DLG2: variants seen among roughly 807,000 people sequenced by gnomAD.
The protein encoded by DLG2 is disks large homolog 2.
DLG2 carries 45 observed loss-of-function variants against 132.5 expected under a neutral mutation model. That is an observed-to-expected ratio of 0.34 (90% CI 0.27 to 0.44). DLG2 has a LOEUF of 0.44. Among genes scored for constraint, DLG2 ranks in the 20% least tolerant of loss-of-function variants. The pLI is 1.00. For missense variants in DLG2, 1,045 were observed against 1,196.9 expected (o/e 0.87, Z 1.87); for synonymous variants, 424 against 419.6 (o/e 1.01, Z -0.13).
intron 6 of DLG2, among the ~76,000 whole-genome samples, chr11:84,598,818 G>A (rs1310729646): frequency 6.6e-6 from 1 of 151,800 alleles, no homozygotes; most frequent in African/African-American, 2.4e-5. Flanking sequence ...TCACATACAT[G>A]TGGTCCCAAC....
chr11:85,335,441 C>T (rs2082062341), intron 3 of DLG2, among the ~76,000 whole-genome samples: 1 of 152,076 alleles, frequency 6.6e-6, no homozygotes, highest in African/African-American at 2.4e-5. Flanking sequence ...TATGTGAGGA[C>T]TTGATCTTGT....
chr11:85,292,657 G>GAAGGAAGGAAGGAAGGAAGGGAGA (rs1565279273), intron 3 of DLG2, among the ~76,000 whole-genome samples: 18 of 29,742 alleles, frequency 6.1e-4, no homozygotes, highest in Non-Finnish European at 9.2e-4. Flanking sequence ...AGGAAGGAAG[G>GAAGGAAGGAAGGAAGGAAGGGAGA]GAGGGAGGGA....
In DLG2 at chr11:84,348,248, T is replaced by G. The variant is rs143639042; in HGVS notation, c.520-96957A>C. ...CTTTTCTAGTACTATTTAACAAACT[T>G]ATTAAGTAGAAATAATTACATTCAT... is the stretch of plus-strand genomic sequence containing the variant. On this transcript the variant is annotated intron_variant, in intron 7 of 27. Transcript: ENST00000376104. 5.6e-3 allele frequency among the ~76,000 whole-genome samples: 848 copies of G among 152,274 alleles called. 4 individuals are homozygous for G. The highest frequency in any genetic ancestry group is 0.019 in the African/African-American group (799 of 41,562).
rs907651096 is a variant in DLG2, at chr11:84,210,395, G to A, written c.573+40843C>T. Among the ~76,000 whole-genome samples the A allele has an allele frequency of 9.3e-5, 12 of 128,766 alleles. 1 individual carries two copies. Among genetic ancestry groups the A allele is most frequent in the African/African-American group, 3.3e-4 (12 of 36,560 alleles). 84.5% of individuals were successfully genotyped at this position (128,766 alleles called of 152,430 possible). On this transcript the variant is annotated intron_variant, in intron 8 of 27. Transcript: ENST00000376104. ...ACTCTGGGGACTGTGGTGGGGTGGG[G>A]GGAGCGGGGAGGGATAGCACTGGGA...
intron 6 of DLG2, among the ~76,000 whole-genome samples, chr11:84,903,761 A>C (rs956932812): frequency 6.6e-6 from 1 of 152,172 alleles, no homozygotes; most frequent in Non-Finnish European, 1.5e-5. Flanking sequence ...GAGTATTAAA[A>C]GTAAAAGGAG....
intron 3 of DLG2, among the ~76,000 whole-genome samples, chr11:85,505,841 T>C (rs1370964630): frequency 1.3e-5 from 2 of 152,200 alleles, no homozygotes; most frequent in Non-Finnish European, 2.9e-5. Flanking sequence ...TGTGAATCCA[T>C]CTGGTCCTGG....
At chr11:83,947,191 C>A (rs1591618555) in intron 14 of DLG2, among the ~76,000 whole-genome samples, 1 of 151,982 alleles carries the variant, frequency 6.6e-6, no homozygotes, top group Non-Finnish European at 1.5e-5. Context: ...AATGGGAAAT[C>A]TGAATATTTG....
intron 19 of DLG2, among the ~76,000 whole-genome samples, chr11:83,588,900 A>T (rs980895345): frequency 3.3e-5 from 5 of 151,322 alleles, no homozygotes; most frequent in African/African-American, 1.2e-4. Context: ...GTGATGGAAG[A>T]TGAAATGAAT....
intron 3 of DLG2, among the ~76,000 whole-genome samples, chr11:85,306,949 C>G (rs1411613135): frequency 6.6e-6 from 1 of 152,148 alleles, no homozygotes; most frequent in African/African-American, 2.4e-5. Context: ...CAATGTTATG[C>G]TAATGAAAGT....
chr11:84,451,275 A>T (rs1237820855), intron 7 of DLG2, among the ~76,000 whole-genome samples: 3 of 151,948 alleles, frequency 2.0e-5, no homozygotes, highest in Admixed American at 1.3e-4. Context: ...TTAATGTCTT[A>T]GAAATTTAAT....
intron 8 of DLG2, among the ~76,000 whole-genome samples, chr11:84,216,417 G>C (rs545853579): frequency 6.6e-6 from 1 of 152,000 alleles, no homozygotes; most frequent in African/African-American, 2.4e-5. Flanking sequence ...AGAGATCACG[G>C]GGGGCAAAAA....
At chr11:84,016,087 A>G (rs998100272) in intron 11 of DLG2, among the ~76,000 whole-genome samples, 1 of 152,008 alleles carries the variant, frequency 6.6e-6, no homozygotes, top group Middle Eastern at 3.2e-3. Flanking sequence ...GACTGGTGTG[A>G]GATGGTATCT....
intron 6 of DLG2, among the ~76,000 whole-genome samples, chr11:84,880,552 C>T (rs551842605): frequency 6.6e-6 from 1 of 152,054 alleles, no homozygotes; most frequent in Non-Finnish European, 1.5e-5. Flanking sequence ...AAATATATGG[C>T]CTTGCAGATG....
chr11:84,768,278 A>G (rs1324684137), intron 6 of DLG2, among the ~76,000 whole-genome samples: 1 of 152,130 alleles, frequency 6.6e-6, no homozygotes, highest in Non-Finnish European at 1.5e-5. Context: ...ATAGCTTATG[A>G]CTTGTTTGTT....
At chr11:84,643,511 T>C (rs1175420333) in intron 6 of DLG2, among the ~76,000 whole-genome samples, 1 of 152,144 alleles carries the variant, frequency 6.6e-6, no homozygotes, top group Non-Finnish European at 1.5e-5. Context: ...ATAATGCAGG[T>C]TAGTAAAATC....
rs146067396 is a variant in DLG2 at position 84,652,018 on chromosome 11, G to C, written c.358-117287C>G. Among the ~76,000 whole-genome samples the C allele has an allele frequency of 4.2e-3, 633 of 152,256 alleles. 1 individual carries two copies. Among genetic ancestry groups the C allele is most frequent in the African/African-American group, 0.015 (606 of 41,550 alleles). On this transcript the variant is annotated intron_variant, in intron 6 of 27. Transcript: ENST00000376104. ...GGAAAGACTAGATAATATAGCAGGA[G>C]AGTTTTAGAGGGAAGAGAGGAAAAA...
intron 6 of DLG2, among the ~76,000 whole-genome samples, chr11:84,972,959 T>G (rs1356234374): frequency 6.6e-6 from 1 of 151,590 alleles, no homozygotes; most frequent in Non-Finnish European, 1.5e-5. Context: ...GGTTTTTTTT[T>G]TTTTCTTTTT....
chr11:85,039,298 C>T (rs1022125126), intron 6 of DLG2, among the ~76,000 whole-genome samples: 47 of 146,350 alleles, frequency 3.2e-4, no homozygotes, highest in African/African-American at 1.2e-3. Context: ...CAAAGTTTGC[C>T]GTCTCTCAAA....
chr11:84,997,043 T>C (rs1411855918), intron 6 of DLG2, among the ~76,000 whole-genome samples: 1 of 152,128 alleles, frequency 6.6e-6, no homozygotes, highest in Non-Finnish European at 1.5e-5. Context: ...ACAACCCTGG[T>C]GGGGCAGAGG....
Sources: allele counts gnomAD v4.1 joint callset (sites outside exome capture counted in the v4.1 genomes callset), GRCh38; gene constraint gnomAD v4.1.1; transcripts MANE v1.5; gene names NCBI Gene and HGNC (gene_info 2026-07-23, HGNC 2026-07-21).